Variants in ANK1 observed in about 807,000 individuals in gnomAD.
ANK1 encodes the protein ankyrin-1.
Under a neutral mutation model 210.4 loss-of-function variants are expected in ANK1, and 51 were observed. That is an observed-to-expected ratio of 0.24 (90% confidence interval 0.19 to 0.31). ANK1 has a LOEUF of 0.31. Ranked by LOEUF, ANK1 falls within the 10% of genes least tolerant of loss-of-function variation. The probability of loss-of-function intolerance (pLI) is 1.00; values close to 1 mark genes in which losing one functional copy is unlikely to be tolerated. For synonymous variants in ANK1, 967 were observed against 1,025.9 expected (o/e 0.94, Z 1.10); for missense variants, 2,051 against 2,504.4 (o/e 0.82, Z 3.86).
intron 22 of ANK1, chr8:41,700,600 G>T: frequency 1.2e-6 from 1 of 837,082 alleles, no homozygotes; most frequent in East Asian, 2.6e-5. Context: ...CAGATGGAAG[G>T]GACCACTGAG....
At chr8:41,686,025 A>AGT in intron 36 of ANK1, 127 bp downstream of exon 36, 1 of 1,440,402 alleles carries the variant, frequency 6.9e-7, no homozygotes, top group East Asian at 2.3e-5. Context: ...GTGGTGCGTG[A>AGT]GTGTGTGTGA....
At chr8:41,879,480 C>T (rs759684312) in intron 1 of ANK1, among the ~76,000 whole-genome samples, 7 of 152,208 alleles carry the variant, frequency 4.6e-5, no homozygotes, top group South Asian at 4.1e-4. Flanking sequence ...CTATGTGTAA[C>T]GATTCCCTCT....
intron 22 of ANK1, 90 bp downstream of exon 22, chr8:41,701,460 G>A: frequency 1.6e-6 from 2 of 1,214,624 alleles, no homozygotes; most frequent in Non-Finnish European, 2.4e-6. Flanking sequence ...GTTGTAAGGG[G>A]ACAAAGCCGG....
At chr8:41,698,322 C>T (rs1475909826) in intron 23 of ANK1, among the ~76,000 whole-genome samples, 1 of 152,224 alleles carries the variant, frequency 6.6e-6, no homozygotes, top group African/African-American at 2.4e-5. Flanking sequence ...CTTTCTCTAC[C>T]TTTAGAACCT....
intron 1 of ANK1, among the ~76,000 whole-genome samples, chr8:41,780,288 G>A (rs942231505): frequency 3.3e-5 from 5 of 152,124 alleles, no homozygotes; most frequent in African/African-American, 1.2e-4. Flanking sequence ...GCCACCCAAC[G>A]AGCTAGGATT....
At chr8:41,831,456 T>C (rs929307416) in intron 1 of ANK1, among the ~76,000 whole-genome samples, 1 of 152,006 alleles carries the variant, frequency 6.6e-6, no homozygotes, top group Admixed American at 6.6e-5. Flanking sequence ...AAGACCAGCC[T>C]GGAAAACATG....
Position 41,653,513 on chromosome 8 carries a change from C to G in ANK1, c.*2277G>C, listed in dbSNP as rs1464459348. On this transcript the variant is annotated 3_prime_UTR_variant, in exon 43 of 43. Coordinates refer to ENST00000289734, the MANE Select transcript of ANK1 (RefSeq NM_000037.4). ...GAGCGTGCAGCCATGCCAGCCGGAG[C>G]AGAGGTGCCAAAGCGGAGTCTGGAG... The G allele has an allele frequency of 6.5e-6, 1 of 153,026 alleles. No homozygotes were observed. The highest frequency in any genetic ancestry group is 2.4e-5 in the African/African-American group (1 of 41,488). The allele number at this position is 153,026 out of a possible 1,614,324, so 9.5% of individuals were successfully genotyped here. A position where few individuals can be genotyped will look rare whatever the true frequency, so the allele number is the denominator to read the frequency against.
intron 33 of ANK1, 28 bp downstream of exon 33, chr8:41,690,199 C>T: frequency 6.2e-7 from 1 of 1,613,842 alleles, no homozygotes; most frequent in East Asian, 2.2e-5. Flanking sequence ...CGTCTCGGGC[C>T]AAGGCTCCTC....
chr8:41,822,353 C>A (rs764700412), intron 1 of ANK1, among the ~76,000 whole-genome samples: 1 of 152,172 alleles, frequency 6.6e-6, no homozygotes, highest in African/African-American at 2.4e-5. Flanking sequence ...GAAGACAGCA[C>A]GCTTGTGTGC....
chr8:41,832,274 C>T (rs1806815904), intron 1 of ANK1, among the ~76,000 whole-genome samples: 2 of 152,128 alleles, frequency 1.3e-5, no homozygotes, highest in African/African-American at 2.4e-5. Context: ...AGAAGTGTCC[C>T]CAAAGTTAAC....
chr8:41,862,969 A>T (rs1213124532), intron 1 of ANK1, among the ~76,000 whole-genome samples: 1 of 152,118 alleles, frequency 6.6e-6, no homozygotes, highest in African/African-American at 2.4e-5. Context: ...CCATGATCGC[A>T]CCACTGCACT....
Position 41,693,917 on chromosome 8 carries a change from G to A in ANK1, c.3513C>T (p.Arg1171=), listed in dbSNP as rs1187039264. 1 of 1,611,270 alleles carries A rather than the reference G, an allele frequency of 6.2e-7. No homozygotes were observed. Among genetic ancestry groups the A allele is most frequent in the South Asian group, 1.1e-5 (1 of 90,618 alleles). ...TCTCACCAATGACGCTGCAAAGCAG[G>A]CGCAGGCTGGTGGTGTCTCCCTCCC... ...DSGEGDTTSL[R]LLCSVIGGTD... is the part of the protein sequence containing the mutation. Residue 1171 remains arginine (R), a synonymous_variant, in exon 29 of 43, where the codon CGC becomes CGT. Coordinates refer to ENST00000289734, the MANE Select transcript of ANK1 (RefSeq NM_000037.4).
At chr8:41,738,346 A>G (rs1380590078) in intron 2 of ANK1, among the ~76,000 whole-genome samples, 1 of 152,182 alleles carries the variant, frequency 6.6e-6, no homozygotes. Context: ...AATTGGTCTT[A>G]GTACGTAGAT....
chr8:41,674,221 T>G (rs936564203), intron 37 of ANK1, among the ~76,000 whole-genome samples: 1 of 152,224 alleles, frequency 6.6e-6, no homozygotes, highest in African/African-American at 2.4e-5. Flanking sequence ...ATCCACTCAC[T>G]GTTCAACCAA....
In ANK1 at chr8:41,654,115, GCGGCTC is replaced by G. The variant is rs1804934235; in HGVS notation, c.*1669_*1674del. 1 of 152,512 alleles carries G rather than the reference GCGGCTC, an allele frequency of 6.6e-6. No individual in the cohort carries two copies. 9.4% of individuals were successfully genotyped at this position (152,512 alleles called of 1,614,324 possible). A position where few individuals can be genotyped will look rare whatever the true frequency, so the allele number is the denominator to read the frequency against. On this transcript the variant is annotated 3_prime_UTR_variant, in exon 43 of 43. Transcript: ENST00000289734. ...CGGACGGGGCCGGGCCGTCCACACC[GCGGCTC>G]CAGGGGCGAGAGGAGCCAGCCCTGT...
intron 1 of ANK1, among the ~76,000 whole-genome samples, chr8:41,780,783 T>C (rs1438693936): frequency 2.0e-5 from 3 of 152,222 alleles, no homozygotes; most frequent in Non-Finnish European, 2.9e-5. Context: ...TATTTGTGTA[T>C]ATATGTTCTC....
intron 37 of ANK1, among the ~76,000 whole-genome samples, chr8:41,675,875 C>A (rs1563383584): frequency 6.6e-6 from 1 of 152,240 alleles, no homozygotes; most frequent in African/African-American, 2.4e-5. Flanking sequence ...TGCACTCTCT[C>A]TTTCTTTAAA....
chr8:41,867,191 C>A (rs1334463605), intron 1 of ANK1, among the ~76,000 whole-genome samples: 1 of 152,132 alleles, frequency 6.6e-6, no homozygotes, highest in Non-Finnish European at 1.5e-5. Context: ...AGGACAAGAC[C>A]CCAAGAAGGA....
chr8:41,848,871 C>T (rs1475665546), intron 1 of ANK1, among the ~76,000 whole-genome samples: 2 of 152,194 alleles, frequency 1.3e-5, no homozygotes, highest in African/African-American at 4.8e-5. Flanking sequence ...AAAGCCCATT[C>T]CCCACTGCAG....
Sources: gnomAD v4.1 joint callset for allele counts (sites outside exome capture counted in the v4.1 genomes callset) on GRCh38, gnomAD v4.1.1 for gene constraint, MANE v1.5 for transcripts, NCBI Gene and HGNC (gene_info 2026-07-23, HGNC 2026-07-21) for gene names.